CACNA1D: variants seen among roughly 807,000 people sequenced by gnomAD.
The protein encoded by CACNA1D is calcium voltage-gated channel subunit alpha1 D, also known as voltage-dependent L-type calcium channel subunit alpha-1D.
Under a neutral mutation model 257.1 loss-of-function variants are expected in CACNA1D, and 55 were observed. The ratio of observed to expected loss-of-function variants is 0.21; its 90% CI spans 0.17 to 0.27. The LOEUF (loss-of-function observed/expected upper bound fraction) is 0.27, where lower values mean the gene tolerates loss of function less well. Ranked by LOEUF, CACNA1D falls within the 10% of genes least tolerant of loss-of-function variation. The pLI is 1.00. For missense variants in CACNA1D, 1,876 were observed against 2,784.0 expected, an observed-to-expected ratio of 0.67 and a Z score of 7.34; for synonymous variants, 980 against 1,014.9, an observed-to-expected ratio of 0.97 and a Z score of 0.65.
intron 3 of CACNA1D, among the ~76,000 whole-genome samples, chr3:53,541,401 G>A (rs1194976756): frequency 6.6e-6 from 1 of 152,178 alleles, no homozygotes; most frequent in East Asian, 1.9e-4. Flanking sequence ...ATGTTTCAAA[G>A]GAATAAATGC....
intron 3 of CACNA1D, among the ~76,000 whole-genome samples, chr3:53,580,363 C>A (rs139590876): frequency 2.6e-5 from 4 of 152,310 alleles, no homozygotes; most frequent in Non-Finnish European, 2.9e-5. Flanking sequence ...CAGTGCTCGC[C>A]GCCAGGTAGT....
chr3:53,802,117 T>A (rs895230627), intron 42 of CACNA1D, 30 bp from the exon 43 acceptor site: 2 of 1,581,222 alleles, frequency 1.3e-6, no homozygotes, highest in Non-Finnish European at 1.7e-6. Context: ...ATCTTCTCCC[T>A]CCTTCCCATG....
intron 9 of CACNA1D, among the ~76,000 whole-genome samples, chr3:53,715,973 A>G (rs2094814266): frequency 6.6e-6 from 1 of 152,220 alleles, no homozygotes; most frequent in African/African-American, 2.4e-5. Context: ...GAAAATATGT[A>G]ATTTATCTGT....
chr3:53,803,272 G>A (rs2095545161), intron 43 of CACNA1D, 151 bp from the exon 44 acceptor site: 1 of 803,922 alleles, frequency 1.2e-6, no homozygotes, highest in Non-Finnish European at 2.1e-6. Flanking sequence ...GTTGCCAGAA[G>A]CCGGAACAGT....
intron 40 of CACNA1D, among the ~76,000 whole-genome samples, chr3:53,797,184 C>T (rs1487388982): frequency 6.6e-6 from 1 of 152,096 alleles, no homozygotes; most frequent in African/African-American, 2.4e-5. Context: ...TTGGGAGCAG[C>T]CTAAGCTACC....
At chr3:53,563,243 G>A (rs745918844) in intron 3 of CACNA1D, among the ~76,000 whole-genome samples, 3 of 152,046 alleles carry the variant, frequency 2.0e-5, no homozygotes, top group Non-Finnish European at 4.4e-5. Flanking sequence ...TGCTTATCAG[G>A]CCAGGCACGG....
chr3:53,773,522 G>C (rs1051447675), intron 33 of CACNA1D: 1 of 154,230 alleles, frequency 6.5e-6, no homozygotes. Flanking sequence ...GAAGAGCCCA[G>C]GTGGCTGTAG....
rs554793454 is a variant in CACNA1D, at chr3:53,537,918, T to C, written c.483+36198T>C. 3.0e-4 allele frequency among the ~76,000 whole-genome samples: 46 copies of C among 152,168 alleles called. 1 individual carries two copies. Among genetic ancestry groups the C allele is most frequent in the Non-Finnish European group, 2.5e-4 (17 of 68,038 alleles). ...CAAGTTTTGTTTTATTTTATTACTA[T>C]TTTTTAGCTAGGCTACTTCACTGGT... On this transcript the variant is annotated intron_variant, in intron 3 of 47. Coordinates refer to ENST00000350061, the MANE Select transcript of CACNA1D (RefSeq NM_001128840.3).
At chr3:53,595,417 T>C (rs1372619626) in intron 3 of CACNA1D, among the ~76,000 whole-genome samples, 1 of 152,122 alleles carries the variant, frequency 6.6e-6, no homozygotes, top group Non-Finnish European at 1.5e-5. Context: ...CTTTCCCCCA[T>C]CCCACCCCTG....
At chr3:53,666,300 T>C in intron 6 of CACNA1D, 39 bp from the exon 7 acceptor site, 1 of 1,592,462 alleles carries the variant, frequency 6.3e-7, no homozygotes, top group East Asian at 2.2e-5. Context: ...TCCTGATGTT[T>C]CTGTCCTGAG....
intron 3 of CACNA1D, among the ~76,000 whole-genome samples, chr3:53,593,707 G>T (rs544468024): frequency 6.6e-6 from 1 of 152,214 alleles, no homozygotes; most frequent in Non-Finnish European, 1.5e-5. Flanking sequence ...TGTGGGAAGA[G>T]CAGTGCTCCA....
chr3:53,810,077 C>T lies in CACNA1D; in HGVS notation c.5971C>T (p.Arg1991Trp), dbSNP rs367976757. 3.2e-5 allele frequency: 51 copies of T among 1,613,818 alleles called. No individual in the cohort carries two copies. In the African/African-American group the frequency reaches 5.1e-4, roughly 16 times the overall value. ...CACCCCTCCAGCAACCCCTCCCTAC[C>T]GGGACTGGACACCGTGCTACACCCC... ...WATPPATPPY[R>W]DWTPCYTPLI... Residue 1991 changes from arginine to tryptophan, a missense_variant, in exon 47 of 48, where the codon CGG becomes TGG. Physicochemically the swap from Arg to Trp is moderately radical, Grantham distance 101. Coordinates refer to ENST00000350061, the MANE Select transcript of CACNA1D (RefSeq NM_001128840.3).
In CACNA1D at chr3:53,495,060, A is replaced by G; in HGVS notation, c.-107A>G. The G allele has an allele frequency of 3.4e-6, 2 of 586,194 alleles. No individual in the cohort carries two copies. Among genetic ancestry groups the G allele is most frequent in the Non-Finnish European group, 6.3e-6 (2 of 317,272 alleles). 36.3% of individuals were successfully genotyped at this position (586,194 alleles called of 1,614,324 possible). A position where few individuals can be genotyped will look rare whatever the true frequency, so the allele number is the denominator to read the frequency against. On this transcript the variant is annotated 5_prime_UTR_variant, in exon 1 of 48. Coordinates refer to ENST00000350061, the MANE Select transcript of CACNA1D (RefSeq NM_001128840.3). The surrounding 1 kb of genome is among the most constrained non-coding windows in gnomAD (Gnocchi z 5.1). ...CCCCTGCTGAAGCGAGAATAAGGGC[A>G]GGGACCGCGGCTCCTACCTCTTGGT...
rs1352443155 is a variant in CACNA1D, at chr3:53,673,207, C to T, written c.1220+81C>T. ...CACACAAGCTTTGCTGGATGAGGGC[C>T]GCCAAGAGGGGTTGCCAGACATTTT... On this transcript the variant is annotated intron_variant, in intron 8 of 47. Coordinates refer to ENST00000350061, the MANE Select transcript of CACNA1D (RefSeq NM_001128840.3). The surrounding 1 kb of genome is among the most constrained non-coding windows in gnomAD (Gnocchi z 4.1). 1.5e-5 allele frequency: 14 copies of T among 914,102 alleles called. 1 individual carries two copies. Among genetic ancestry groups the T allele is most frequent in the East Asian group, 1.3e-4 (5 of 37,626 alleles). The allele number at this position is 914,102 out of a possible 1,614,324, so 56.6% of individuals were successfully genotyped here.
In CACNA1D at chr3:53,777,090, A is replaced by C. The variant is rs1261140019; in HGVS notation, c.4587+134A>C. The C allele has an allele frequency of 5.5e-6, 4 of 731,004 alleles. No individual in the cohort carries two copies. The Admixed American group carries it at 8.0e-5, about 15-fold the overall frequency. 45.3% of individuals were successfully genotyped at this position (731,004 alleles called of 1,614,324 possible). On this transcript the variant is annotated intron_variant, in intron 37 of 47. Coordinates refer to ENST00000350061, the MANE Select transcript of CACNA1D (RefSeq NM_001128840.3). ...CAGCAATGAATAATATGTGGTTCCT[A>C]CCTCTGGGGAAATCTCAGATTTGTA...
chr3:53,696,795 G>A (rs1315994278), intron 8 of CACNA1D, among the ~76,000 whole-genome samples: 1 of 152,118 alleles, frequency 6.6e-6, no homozygotes, highest in Non-Finnish European at 1.5e-5. Flanking sequence ...TTATAGGATG[G>A]GTGAATAAGG....
At chr3:53,740,566 G>T in intron 21 of CACNA1D, 30 of 467,192 alleles carry the variant, frequency 6.4e-5, no homozygotes, top group South Asian at 2.6e-4. Context: ...ATTTTTTATG[G>T]GTTTTTTTTT....
chr3:53,683,972 C>G (rs1368724632), intron 8 of CACNA1D, among the ~76,000 whole-genome samples: 1 of 152,166 alleles, frequency 6.6e-6, no homozygotes, highest in East Asian at 1.9e-4. Context: ...GGAACCACTG[C>G]TAAGCACATC....
At chr3:53,778,710 G>A (rs540659057) in intron 37 of CACNA1D, among the ~76,000 whole-genome samples, 11 of 152,322 alleles carry the variant, frequency 7.2e-5, no homozygotes, top group Non-Finnish European at 1.5e-4. Flanking sequence ...GGGGTCCAGA[G>A]AGGGTGTACC....
Sources: allele counts gnomAD v4.1 joint callset (sites outside exome capture counted in the v4.1 genomes callset), GRCh38; gene constraint gnomAD v4.1.1; non-coding constraint Gnocchi (gnomAD v3.1); transcripts MANE v1.5; gene names NCBI Gene and HGNC (gene_info 2026-07-23, HGNC 2026-07-21).